Variants in DGKI observed in about 807,000 individuals in gnomAD.
DGKI encodes the protein diacylglycerol kinase iota.
DGKI carries 55 observed loss-of-function variants against 147.5 expected under a neutral mutation model. The ratio of observed to expected loss-of-function variants is 0.37; its 90% CI spans 0.30 to 0.47. DGKI has a LOEUF of 0.47. Ranked by LOEUF, DGKI falls within the 20% of genes least tolerant of loss-of-function variation. The probability of loss-of-function intolerance (pLI) is 1.00; values close to 1 mark genes in which losing one functional copy is unlikely to be tolerated. For synonymous variants in DGKI, 469 were observed against 477.1 expected (o/e 0.98, Z 0.22); for missense variants, 1,007 against 1,323.8 (o/e 0.76, Z 3.71).
At chr7:137,588,079 T>C (rs1398349295) in intron 12 of DGKI, among the ~76,000 whole-genome samples, 1 of 152,212 alleles carries the variant, frequency 6.6e-6, no homozygotes, top group East Asian at 1.9e-4. Context: ...TAGATTTCTG[T>C]CCTATAGAGA....
At chr7:137,782,475 G>C (rs1212389113) in intron 1 of DGKI, among the ~76,000 whole-genome samples, 1 of 152,088 alleles carries the variant, frequency 6.6e-6, no homozygotes, top group East Asian at 1.9e-4. Flanking sequence ...GCTAAGACAC[G>C]CCTAGCCCTG....
At chr7:137,570,110 A>G (rs1818742923) in intron 19 of DGKI, among the ~76,000 whole-genome samples, 1 of 152,166 alleles carries the variant, frequency 6.6e-6, no homozygotes, top group Non-Finnish European at 1.5e-5. Context: ...AATGAGAAAT[A>G]CAACCTTCTT....
At chr7:137,550,335 C>T (rs1212681659) in intron 20 of DGKI, among the ~76,000 whole-genome samples, 1 of 152,004 alleles carries the variant, frequency 6.6e-6, no homozygotes, top group African/African-American at 2.4e-5. Context: ...GCCACCACAC[C>T]TGTCTAATTT....
chr7:137,585,307 C>T lies in DGKI; in HGVS notation c.1465G>A (p.Val489Met), dbSNP rs1217937093. Reference sequence around the variant, plus strand: ...AGCTGTACAACTGTCCCATCTTCCACTTGACACAGGATCTTAGAAACAGGT... The same window carrying T: ...AGCTGTACAACTGTCCCATCTTCCATTTGACACAGGATCTTAGAAACAGGT... ...DEPVSKILCQ[V>M]EDGTVVQLDR... is the part of the protein sequence containing the mutation. The change falls in exon 14 of 33, where the codon GTG becomes ATG. Residue 489 changes from valine to methionine, a missense_variant. By Grantham distance (21) the Val-to-Met change is conservative. This residue lies in a region of DGKI where 224 missense variants were observed against 382.7 expected (regional missense o/e 0.59). Coordinates refer to ENST00000614521, the MANE Select transcript of DGKI (RefSeq NM_001321708.2). The T allele has an allele frequency of 3.1e-6, 5 of 1,614,182 alleles. No individual in the cohort carries two copies. Among genetic ancestry groups the T allele is most frequent in the Admixed American group, 1.7e-5 (1 of 60,024 alleles).
At chr7:137,540,265 T>C (rs1178481148) in intron 20 of DGKI, among the ~76,000 whole-genome samples, 2 of 152,158 alleles carry the variant, frequency 1.3e-5, no homozygotes, top group African/African-American at 4.8e-5. Flanking sequence ...GACAGAATGA[T>C]TTCTCCCTAA....
At chr7:137,675,663 C>A (rs1585358052) in intron 3 of DGKI, among the ~76,000 whole-genome samples, 1 of 139,978 alleles carries the variant, frequency 7.1e-6, no homozygotes, top group Admixed American at 7.5e-5. Flanking sequence ...CCAGCCTGGG[C>A]AGCCGAGCAA....
intron 2 of DGKI, among the ~76,000 whole-genome samples, chr7:137,680,132 AC>A (rs1328481403): frequency 9.2e-5 from 14 of 152,154 alleles, no homozygotes; most frequent in Non-Finnish European, 1.6e-4. Flanking sequence ...TAGAAGAGAC[AC>A]ATGGGAGATT....
intron 1 of DGKI, among the ~76,000 whole-genome samples, chr7:137,816,557 C>T (rs1186121613): frequency 1.3e-5 from 2 of 152,162 alleles, no homozygotes; most frequent in African/African-American, 4.8e-5. Context: ...TTCCAATGTG[C>T]CTCACACTAT....
At chr7:137,672,144 C>G (rs1320975600) in intron 3 of DGKI, among the ~76,000 whole-genome samples, 2 of 152,220 alleles carry the variant, frequency 1.3e-5, no homozygotes, top group Non-Finnish European at 2.9e-5. Context: ...ACCACTCAAC[C>G]TAAACACTCA....
In DGKI at chr7:137,758,308, G is replaced by C. The variant is rs541643229; in HGVS notation, c.402-68306C>G. On this transcript the variant is annotated intron_variant, in intron 1 of 32. Coordinates refer to ENST00000614521, the MANE Select transcript of DGKI (RefSeq NM_001321708.2). ...GGTAGCTCCAGCATCCATTTCTGTA[G>C]GCAACGAAGTAGTAGTCTGGTAGAA... Among the ~76,000 whole-genome samples, 14 of 152,296 alleles carry C rather than the reference G, an allele frequency of 9.2e-5. No homozygotes were observed. The South Asian group carries it at 2.5e-3, about 27-fold the overall frequency.
intron 5 of DGKI, among the ~76,000 whole-genome samples, chr7:137,646,104 G>A (rs1821815257): frequency 6.6e-6 from 1 of 152,168 alleles, no homozygotes; most frequent in African/African-American, 2.4e-5. Context: ...AAGTGGAAAG[G>A]TGAAGGGGAG....
intron 28 of DGKI, among the ~76,000 whole-genome samples, chr7:137,419,092 C>A (rs574203076): frequency 1.3e-4 from 20 of 152,296 alleles, no homozygotes; most frequent in African/African-American, 2.6e-4. Context: ...TTGCCTCCCC[C>A]CTTCCCCAGG....
intron 20 of DGKI, among the ~76,000 whole-genome samples, chr7:137,548,474 A>T (rs1817935646): frequency 6.6e-6 from 1 of 151,940 alleles, no homozygotes; most frequent in East Asian, 1.9e-4. Context: ...AGTTCATGTG[A>T]GAATTAGTTG....
At position 137,466,892 on chromosome 7, in the gene DGKI, A is replaced by G. The variant is rs1437094923; in HGVS notation, c.2484+10T>C. On this transcript the variant is annotated intron_variant, in intron 25 of 32. Coordinates refer to ENST00000614521, the MANE Select transcript of DGKI (RefSeq NM_001321708.2). ...TTTCACTTTCACAAGCAGGCTGGAA[A>G]AAAACTTACCTGAGATCTGTCTATT... 19 of 1,614,176 alleles carry G rather than the reference A, an allele frequency of 1.2e-5. No homozygotes were observed. The highest frequency in any genetic ancestry group is 1.5e-5 in the Non-Finnish European group (18 of 1,179,996).
intron 1 of DGKI, among the ~76,000 whole-genome samples, chr7:137,741,412 A>G (rs893599061): frequency 6.6e-6 from 1 of 152,228 alleles, no homozygotes; most frequent in African/African-American, 2.4e-5. Context: ...CATGCGAAAA[A>G]CATTACCCAC....
chr7:137,672,456 A>C (rs1019935447), intron 3 of DGKI, among the ~76,000 whole-genome samples: 1 of 152,180 alleles, frequency 6.6e-6, no homozygotes, highest in African/African-American at 2.4e-5. Flanking sequence ...GCATTTCTCA[A>C]ACACTTTTCC....
At chr7:137,397,774 C>G (rs2128894560) in intron 30 of DGKI, among the ~76,000 whole-genome samples, 1 of 152,274 alleles carries the variant, frequency 6.6e-6, no homozygotes, top group Non-Finnish European at 1.5e-5. Flanking sequence ...ATTTCTCATT[C>G]TCAAACGAGT....
At chr7:137,696,586 C>T (rs1396466601) in intron 1 of DGKI, among the ~76,000 whole-genome samples, 3 of 151,824 alleles carry the variant, frequency 2.0e-5, no homozygotes, top group Admixed American at 6.6e-5. Context: ...AACACTGGTA[C>T]GGGCTTGGCG....
intron 6 of DGKI, 114 bp downstream of exon 6, chr7:137,645,358 C>A: frequency 1.2e-6 from 1 of 813,042 alleles, no homozygotes; most frequent in Admixed American, 3.0e-5. Context: ...TAAGGTCTTT[C>A]AGAAAGGAAC....
Sources: allele counts gnomAD v4.1 joint callset (sites outside exome capture counted in the v4.1 genomes callset), GRCh38; gene constraint gnomAD v4.1.1; regional missense constraint gnomAD v4.1.1; transcripts MANE v1.5; gene names NCBI Gene and HGNC (gene_info 2026-07-23, HGNC 2026-07-21).